Variants in ERMP1 observed in about 807,000 individuals in gnomAD.
ERMP1 encodes endoplasmic reticulum metallopeptidase 1.
Under a neutral mutation model 92.0 loss-of-function variants are expected in ERMP1, and 86 were observed. That is an observed-to-expected ratio of 0.93 (90% CI 0.79 to 1.12). ERMP1 has a LOEUF of 1.12. Ranked by LOEUF, ERMP1 falls within the 50% of genes most tolerant of loss-of-function variation. ERMP1 has a pLI of 0.00. For missense variants in ERMP1, 1,342 were observed against 1,116.3 expected, an observed-to-expected ratio of 1.20 and a Z score of -2.88; for synonymous variants, 530 against 412.8, an observed-to-expected ratio of 1.28 and a Z score of -3.44.
At chr9:5,794,180 T>C (rs1046954033) in intron 13 of ERMP1, among the ~76,000 whole-genome samples, 1 of 151,904 alleles carries the variant, frequency 6.6e-6, no homozygotes, top group African/African-American at 2.4e-5. Flanking sequence ...AGAACACACT[T>C]CTACATAACA....
At chr9:5,861,722 T>G (rs1586848866) in intron 5 of ERMP1, among the ~76,000 whole-genome samples, 1 of 141,998 alleles carries the variant, frequency 7.0e-6, no homozygotes, top group South Asian at 2.4e-4. Context: ...GAAGGGTTTT[T>G]TTTTTTTTTT....
At chr9:5,789,492 AAC>A (rs1314522921) in intron 13 of ERMP1, among the ~76,000 whole-genome samples, 1 of 152,256 alleles carries the variant, frequency 6.6e-6, no homozygotes, top group Non-Finnish European at 1.5e-5. Flanking sequence ...CTTCTTCAGA[AAC>A]AGTCTAGAGA....
At position 5,829,103 on chromosome 9, in the gene ERMP1, C is replaced by A. The variant is rs144685971; in HGVS notation, c.640+1624G>T. 2.2e-3 allele frequency among the ~76,000 whole-genome samples: 339 copies of A among 151,376 alleles called. 3 individuals are homozygous for A. Among genetic ancestry groups the A allele is most frequent in the African/African-American group, 7.9e-3 (325 of 41,180 alleles). On this transcript the variant is annotated intron_variant, in intron 2 of 14. Transcript: ENST00000339450. ...TGCCAAAAATACAAAAAAAATCAGC[C>A]GAGTGTGGTGGCACAGTAGGAGAAT...
chr9:5,817,976 C>T (rs1047578046), intron 4 of ERMP1, among the ~76,000 whole-genome samples: 7 of 151,926 alleles, frequency 4.6e-5, no homozygotes, highest in South Asian at 2.1e-4. Context: ...CAAGAATAGT[C>T]GTGGTGAAGT....
chr9:5,801,362 A>C (rs764626058), intron 10 of ERMP1, 34 bp from the exon 11 acceptor site: 11 of 1,591,650 alleles, frequency 6.9e-6, no homozygotes, highest in Non-Finnish European at 6.0e-6. Context: ...GAAATATTAC[A>C]AATTCATTCT....
intron 6 of ERMP1, among the ~76,000 whole-genome samples, chr9:5,848,179 T>A (rs972162393): frequency 6.6e-6 from 1 of 152,194 alleles, no homozygotes; most frequent in African/African-American, 2.4e-5. Context: ...GACTTTCAAA[T>A]GTGATTAACT....
chr9:5,790,101 G>C (rs181816332), intron 13 of ERMP1, among the ~76,000 whole-genome samples: 1 of 151,410 alleles, frequency 6.6e-6, no homozygotes, highest in Non-Finnish European at 1.5e-5. Context: ...GAAAATGGGA[G>C]AGAGAAAGAG....
chr9:5,810,317 T>G, intron 7 of ERMP1, 86 bp from the exon 8 acceptor site: 1 of 966,520 alleles, frequency 1.0e-6, no homozygotes, highest in Non-Finnish European at 1.6e-6. Flanking sequence ...TGGGCAAACA[T>G]TAAAACAAAA....
At chr9:5,845,416 A>T (rs1467553557) in intron 6 of ERMP1, among the ~76,000 whole-genome samples, 1 of 152,154 alleles carries the variant, frequency 6.6e-6, no homozygotes, top group African/African-American at 2.4e-5. Context: ...ATAATATTAA[A>T]AGTAACTTTC....
chr9:5,799,385 T>A (rs1016286964), intron 11 of ERMP1, among the ~76,000 whole-genome samples: 3 of 152,200 alleles, frequency 2.0e-5, no homozygotes, highest in Non-Finnish European at 4.4e-5. Context: ...CTAATTCATG[T>A]GCAGAGAAAA....
intron 7 of ERMP1, among the ~76,000 whole-genome samples, chr9:5,810,627 A>T (rs1829055985): frequency 6.6e-6 from 1 of 152,212 alleles, no homozygotes. Context: ...GAAGATAAGG[A>T]GTGTGGGGAA....
At chr9:5,843,982 C>A (rs776543403) in intron 6 of ERMP1, among the ~76,000 whole-genome samples, 1 of 152,148 alleles carries the variant, frequency 6.6e-6, no homozygotes, top group African/African-American at 2.4e-5. Context: ...TCCTCCACCC[C>A]CTGGCCAATA....
intron 5 of ERMP1, among the ~76,000 whole-genome samples, chr9:5,863,109 C>T (rs1443723008): frequency 2.0e-5 from 3 of 152,256 alleles, no homozygotes; most frequent in African/African-American, 7.2e-5. Flanking sequence ...AGCAAGAAAC[C>T]CTGTCTTCAT....
rs201638481 is a variant in ERMP1 at position 5,830,760 on chromosome 9, T to G, written c.607A>C (p.Asn203His). 3 of 1,613,306 alleles carry G rather than the reference T, an allele frequency of 1.9e-6. No homozygotes were observed. The highest frequency in any genetic ancestry group is 1.7e-6 in the Non-Finnish European group (2 of 1,179,498). Residue 203 changes from asparagine (N) to histidine (H), a missense_variant, in exon 2 of 15, where the codon AAT (asparagine) becomes CAT (histidine). Coordinates refer to ENST00000339450, the MANE Select transcript of ERMP1 (RefSeq NM_024896.3). Reference sequence around the variant, plus strand: ...TTTGCTACTGAGTCAAAATGACAATTAGCCAAGACAGCATGCTGGGCTCCA... The same window carrying G: ...TTTGCTACTGAGTCAAAATGACAATGAGCCAAGACAGCATGCTGGGCTCCA... ...RDGAQHAVLA[N>H]CHFDSVANSP...
Position 5,852,525 on chromosome 9 carries a change from G to A in ERMP1, n.3199+6943C>T, listed in dbSNP as rs970441880. Among the ~76,000 whole-genome samples the A allele has an allele frequency of 3.0e-4, 46 of 151,814 alleles. 1 individual carries two copies. Among genetic ancestry groups the A allele is most frequent in the Non-Finnish European group, 1.5e-5 (1 of 67,976 alleles). On this transcript the variant is annotated intron_variant and non_coding_transcript_variant, in intron 6 of 6. Coordinates refer to the ERMP1 transcript ENST00000690753. ...GCTGCCTCAGCCTTTGAAAGTGCTG[G>A]GATTACAGGTGTGAACCACTGTACC...
chr9:5,789,072 A>C (rs947591563), intron 13 of ERMP1, among the ~76,000 whole-genome samples: 4 of 152,188 alleles, frequency 2.6e-5, no homozygotes, highest in Admixed American at 2.6e-4. Flanking sequence ...CCCCAGAAGA[A>C]AACCAAACAA....
chr9:5,823,885 A>G lies in ERMP1; in HGVS notation c.874+11T>C. 1 of 1,563,784 alleles carries G rather than the reference A, an allele frequency of 6.4e-7. No homozygotes were observed. Among genetic ancestry groups the G allele is most frequent in the South Asian group, 1.1e-5 (1 of 87,978 alleles). ...ATTGCATTAAAATATACAACGCACAATCTCACATACCTGTTTGGAATACAA... is the reference window on the plus strand; with the variant it reads ...ATTGCATTAAAATATACAACGCACAGTCTCACATACCTGTTTGGAATACAA... On this transcript the variant is annotated intron_variant, in intron 4 of 14. Coordinates refer to ENST00000339450, the MANE Select transcript of ERMP1 (RefSeq NM_024896.3).
At chr9:5,837,631 A>G (rs1464139767), upstream of ERMP1, among the ~76,000 whole-genome samples, 4 of 152,212 alleles carry the variant, frequency 2.6e-5, no homozygotes, top group Admixed American at 2.0e-4. Flanking sequence ...AAAGGGGATA[A>G]TATGTGTTAT....
chr9:5,840,390 G>T (rs976987386), intron 6 of ERMP1, among the ~76,000 whole-genome samples: 1 of 152,160 alleles, frequency 6.6e-6, no homozygotes, highest in Non-Finnish European at 1.5e-5. Context: ...GGTAAATCAT[G>T]CCATAGCCAA....
Sources: gnomAD v4.1 joint callset for allele counts (sites outside exome capture counted in the v4.1 genomes callset) on GRCh38, gnomAD v4.1.1 for gene constraint, MANE v1.5 for transcripts, NCBI Gene and HGNC (gene_info 2026-07-23, HGNC 2026-07-21) for gene names.